WNK2: variants seen among roughly 807,000 people sequenced by gnomAD.
WNK2 encodes the protein WNK lysine deficient protein kinase 2.
In WNK2, 67 loss-of-function variants were observed where a neutral mutation model predicts 192.1. The observed-to-expected ratio is 0.35, with a 90% CI of 0.29 to 0.43. WNK2 has a LOEUF of 0.43. WNK2 is among the 20% of genes least tolerant of loss of function. The pLI, the probability that WNK2 is intolerant of heterozygous loss-of-function variation, is 1.00. For synonymous variants in WNK2, 1,439 were observed against 1,393.9 expected (o/e 1.03, Z -0.72); for missense variants, 2,698 against 3,089.7 (o/e 0.87, Z 3.01).
chr9:93,186,935 G>A (rs1280652655), intron 2 of WNK2, among the ~76,000 whole-genome samples: 6 of 152,182 alleles, frequency 3.9e-5, no homozygotes, highest in Non-Finnish European at 8.8e-5. Context: ...TACAGGAAAG[G>A]CAGTGGGTGG....
At chr9:93,195,020 G>GT (rs1195117816) in intron 2 of WNK2, among the ~76,000 whole-genome samples, 2 of 141,014 alleles carry the variant, frequency 1.4e-5, no homozygotes, top group African/African-American at 2.8e-5. Context: ...CATGAAGACA[G>GT]TTAAAAAAAA....
At chr9:93,275,812 G>T (rs1426867862) in intron 19 of WNK2, among the ~76,000 whole-genome samples, 1 of 152,230 alleles carries the variant, frequency 6.6e-6, no homozygotes, top group East Asian at 1.9e-4. Context: ...TATACTGGCA[G>T]TGAACAATTG....
At chr9:93,288,542 C>G (rs1848795238) in intron 19 of WNK2, among the ~76,000 whole-genome samples, 1 of 152,136 alleles carries the variant, frequency 6.6e-6, no homozygotes, top group Admixed American at 6.5e-5. Flanking sequence ...ACAAGGGACA[C>G]TATGGGAACA....
intron 28 of WNK2, among the ~76,000 whole-genome samples, chr9:93,310,171 G>A (rs966600438): frequency 1.3e-5 from 2 of 152,138 alleles, no homozygotes; most frequent in Admixed American, 6.5e-5. Flanking sequence ...TGTTCTGAAT[G>A]ACTGCAGGGT....
At position 93,252,874 on chromosome 9, in the gene WNK2, C is replaced by A; in HGVS notation, c.1835-9C>A. ...TGTCCACTCTAAGTCCTGCTTTTGT[C>A]CTCCCCAGCGGACAGCACCTTCGAC... On this transcript the variant is annotated splice_polypyrimidine_tract_variant and intron_variant, in intron 8 of 29. Coordinates refer to ENST00000427277, the MANE Select transcript of WNK2 (RefSeq NM_006648.4). 1 of 1,432,508 alleles carries A rather than the reference C, an allele frequency of 7.0e-7. No homozygotes were observed. Among genetic ancestry groups the A allele is most frequent in the Admixed American group, 2.8e-5 (1 of 35,360 alleles). 88.7% of individuals were successfully genotyped at this position (1,432,508 alleles called of 1,614,324 possible).
intron 2 of WNK2, among the ~76,000 whole-genome samples, chr9:93,222,070 A>C (rs1252186835): frequency 6.6e-6 from 1 of 152,036 alleles, no homozygotes; most frequent in Non-Finnish European, 1.5e-5. Flanking sequence ...TGTGTGGGTG[A>C]CAGGGTGAGT....
At chr9:93,271,825 G>A (rs1167014182) in intron 19 of WNK2, among the ~76,000 whole-genome samples, 1 of 152,246 alleles carries the variant, frequency 6.6e-6, no homozygotes, top group East Asian at 1.9e-4. Flanking sequence ...AAGCTAAGCA[G>A]ACCCCAAATA....
rs769678037 is a variant in WNK2 at position 93,258,987 on chromosome 9, C to T, written c.2439C>T (p.Leu813=). The T allele has an allele frequency of 6.2e-7, 1 of 1,613,032 alleles. No homozygotes were observed. Among genetic ancestry groups the T allele is most frequent in the Non-Finnish European group, 8.5e-7 (1 of 1,179,822 alleles). Residue 813 remains leucine, a synonymous_variant, in exon 12 of 30, where the codon CTC becomes CTT. Transcript: ENST00000427277. ...CGCCCCTGGCGGGAATCGACGGCCT[C>T]CCTCCGGCCCTCCCAGACCTGCCGA... is the stretch of plus-strand genomic sequence containing the variant. The part of the protein sequence containing the change: ...PITPLAGIDG[L]PPALPDLPTA...
At chr9:93,273,515 C>T (rs935764404) in intron 19 of WNK2, among the ~76,000 whole-genome samples, 3 of 152,298 alleles carry the variant, frequency 2.0e-5, no homozygotes, top group East Asian at 1.9e-4. Context: ...AATGTGTATA[C>T]ATCTAAAAGC....
At position 93,319,021 on chromosome 9, in the gene WNK2, G is replaced by A. The variant is rs958049042; in HGVS notation, c.6629-1346G>A. ...TATGCAGAATCTTCTGCCAGGGCAC[G>A]ATGCTGTCGTAAGAGATTTCTGTTC... On this transcript the variant is annotated intron_variant, in intron 29 of 29. Transcript: ENST00000427277. 8 of 1,535,236 alleles carry A rather than the reference G, an allele frequency of 5.2e-6. No individual in the cohort carries two copies. The South Asian group carries it at 8.7e-5, about 17-fold the overall frequency.
rs139766573 is a variant in WNK2, at chr9:93,260,148, A to T, written c.3066+534A>T. 6.9e-4 allele frequency among the ~76,000 whole-genome samples: 105 copies of T among 152,246 alleles called. No individual in the cohort carries two copies. In the East Asian group the frequency reaches 0.017, roughly 24 times the overall value. On this transcript the variant is annotated intron_variant, in intron 12 of 29. Transcript: ENST00000427277. ...CATGTCCTGATGTCAGGTCAGGCGGATACCTCGTGGCAGCATGCTGGCTGG... is the reference window on the plus strand; with the variant it reads ...CATGTCCTGATGTCAGGTCAGGCGGTTACCTCGTGGCAGCATGCTGGCTGG...
At chr9:93,295,840 TTCCTCCTCTCTCCA>T (rs1410969821) in intron 23 of WNK2, among the ~76,000 whole-genome samples, 2 of 128,988 alleles carry the variant, frequency 1.6e-5, no homozygotes, top group African/African-American at 6.0e-5. Flanking sequence ...TCAACTCACT[TTCCTCCTCTCTCCA>T]TCCTCCCCTC....
chr9:93,307,143 C>T, intron 27 of WNK2: 1 of 412,944 alleles, frequency 2.4e-6, no homozygotes, highest in South Asian at 2.5e-5. Context: ...ATGAGTATTT[C>T]CTTGAAGTCC....
At chr9:93,248,693 C>T (rs1014134553) in intron 8 of WNK2, among the ~76,000 whole-genome samples, 1 of 152,196 alleles carries the variant, frequency 6.6e-6, no homozygotes, top group Non-Finnish European at 1.5e-5. Flanking sequence ...GCAGGAATCA[C>T]TTTGGATCAG....
In WNK2 at chr9:93,185,115, G is replaced by T. The variant is rs1271299696; in HGVS notation, c.186G>T (p.Ala62=). 2 of 1,308,838 alleles carry T rather than the reference G, an allele frequency of 1.5e-6. No homozygotes were observed. Among genetic ancestry groups the T allele is most frequent in the Non-Finnish European group, 2.0e-6 (2 of 1,023,728 alleles). 81.1% of individuals were successfully genotyped at this position (1,308,838 alleles called of 1,614,324 possible). A position where few individuals can be genotyped will look rare whatever the true frequency, so the allele number is the denominator to read the frequency against. The change falls in exon 2 of 30, where the codon GCG becomes GCT. Residue 62 remains alanine, a synonymous_variant. Coordinates refer to ENST00000427277, the MANE Select transcript of WNK2 (RefSeq NM_006648.4). ...EEPPGLEAAE[A]PGPQPPQPLQ... ...CGCCGGGCTTGGAGGCAGCCGAGGC[G>T]CCGGGCCCGCAGCCCCCGCAGCCCC...
intron 4 of WNK2, among the ~76,000 whole-genome samples, chr9:93,234,170 G>T (rs550031014): frequency 6.6e-6 from 1 of 152,262 alleles, no homozygotes; most frequent in East Asian, 1.9e-4. Flanking sequence ...CACTGTTTTT[G>T]CATCTCTTGT....
intron 21 of WNK2, 129 bp from the exon 22 acceptor site, chr9:93,292,179 C>A (rs1849467129): frequency 8.9e-6 from 8 of 897,542 alleles, no homozygotes; most frequent in Non-Finnish European, 1.4e-5. Flanking sequence ...TCCCAGTACC[C>A]ACTTCCATTG....
intron 2 of WNK2, among the ~76,000 whole-genome samples, chr9:93,188,221 C>G (rs1238452880): frequency 6.6e-6 from 1 of 152,208 alleles, no homozygotes; most frequent in African/African-American, 2.4e-5. Context: ...CTGTGTTCCC[C>G]TTTCTGCCCT....
Position 93,300,088 on chromosome 9 carries a change from C to CTAT in WNK2, c.6154_6156dup (p.Tyr2052dup), listed in dbSNP as rs1350667970. ...ACCACCCAACGTCTGAGAGAGTGACCTATAAGTCTAGTAGCAAACCTCGTG... is the reference window on the plus strand; with the variant it reads ...ACCACCCAACGTCTGAGAGAGTGACCTATTATAAGTCTAGTAGCAAACCTCGTG... On this transcript the variant is annotated inframe_insertion, in exon 26 of 30. Coordinates refer to ENST00000427277, the MANE Select transcript of WNK2 (RefSeq NM_006648.4). The CTAT allele has an allele frequency of 5.0e-6, 8 of 1,613,392 alleles. No individual in the cohort carries two copies. The highest frequency in any genetic ancestry group is 6.8e-6 in the Non-Finnish European group (8 of 1,179,790).
Sources: allele counts gnomAD v4.1 joint callset (sites outside exome capture counted in the v4.1 genomes callset), GRCh38; gene constraint gnomAD v4.1.1; transcripts MANE v1.5; gene names NCBI Gene and HGNC (gene_info 2026-07-23, HGNC 2026-07-21).